Variants in PCDHGB3 observed in about 807,000 individuals in gnomAD.
The protein encoded by PCDHGB3 is protocadherin gamma subfamily B, 3, also known as protocadherin gamma-B3.
In PCDHGB3, 40 loss-of-function variants were observed where a neutral mutation model predicts 59.2. That is an observed-to-expected ratio of 0.68 (90% CI 0.52 to 0.88). The LOEUF is 0.88. PCDHGB3 is among the 40% of genes least tolerant of loss of function. The pLI, the probability that PCDHGB3 is intolerant of heterozygous loss-of-function variation, is 0.00. For synonymous variants in PCDHGB3, 581 were observed against 503.6 expected, an observed-to-expected ratio of 1.15 and a Z score of -2.06; for missense variants, 1,309 against 1,187.9, an observed-to-expected ratio of 1.10 and a Z score of -1.50.
chr5:141,474,687 A>G (rs369586568), intron 1 of PCDHGB3, among the ~76,000 whole-genome samples: 35 of 152,302 alleles, frequency 2.3e-4, no homozygotes, highest in African/African-American at 7.7e-4. Flanking sequence ...CTACCCCTTC[A>G]CTTATGTTCA....
intron 1 of PCDHGB3, among the ~76,000 whole-genome samples, chr5:141,479,909 A>G (rs2099509651): frequency 6.6e-6 from 1 of 152,160 alleles, no homozygotes; most frequent in South Asian, 2.1e-4. Context: ...AAACACTGTT[A>G]TTTTGTTACT....
Position 141,400,134 on chromosome 5 carries a change from G to A in PCDHGB3, c.2415+27325G>A, listed in dbSNP as rs373375631. The A allele has an allele frequency of 6.8e-6, 11 of 1,613,954 alleles. No homozygotes were observed. In the African/African-American group the frequency reaches 9.3e-5, roughly 14 times the overall value. Reference sequence around the variant, plus strand: ...CTGACAGCTTGCAGGAGGTGCTGCCGGATATCACTGACCGCCCTGTACCCT... The same window carrying A: ...CTGACAGCTTGCAGGAGGTGCTGCCAGATATCACTGACCGCCCTGTACCCT... On this transcript the variant is annotated intron_variant, in intron 1 of 3. Coordinates refer to ENST00000576222, the MANE Select transcript of PCDHGB3 (RefSeq NM_018924.5).
intron 1 of PCDHGB3, among the ~76,000 whole-genome samples, chr5:141,472,243 T>A (rs1276064128): frequency 6.6e-6 from 1 of 152,190 alleles, no homozygotes; most frequent in East Asian, 1.9e-4. Context: ...TCACTTTCTA[T>A]TTTAAAGTTA....
intron 1 of PCDHGB3, chr5:141,468,351 A>G (rs1030472813): frequency 6.7e-6 from 1 of 149,192 alleles, no homozygotes; most frequent in Non-Finnish European, 1.5e-5. Context: ...AAAAAAAAAG[A>G]AAGAAAAAAG....
chr5:141,442,321 C>G (rs1323525940), intron 1 of PCDHGB3: 1 of 152,360 alleles, frequency 6.6e-6, no homozygotes, highest in African/African-American at 2.4e-5. Context: ...ATGTCTATCC[C>G]GCGCTAAGCC....
At position 141,490,448 on chromosome 5, in the gene PCDHGB3, A is replaced by C. The variant is rs1309104827; in HGVS notation, c.2416-4359A>C. 1 of 1,614,206 alleles carries C rather than the reference A, an allele frequency of 6.2e-7. No homozygotes were observed. Among genetic ancestry groups the C allele is most frequent in the Admixed American group, 1.7e-5 (1 of 60,030 alleles). ...TTTCAGATTAAGCCTTCTGAGAACC[A>C]CTACTCGCTGCTAACCAGCCAGCCT... is the stretch of plus-strand genomic sequence containing the variant. On this transcript the variant is annotated intron_variant, in intron 1 of 3. Coordinates refer to ENST00000576222, the MANE Select transcript of PCDHGB3 (RefSeq NM_018924.5). This position sits in a 1 kb window ranked among gnomAD's most constrained non-coding sequence, Gnocchi z 5.4.
At chr5:141,422,806 C>T (rs868426196) in intron 1 of PCDHGB3, 2 of 1,614,208 alleles carry the variant, frequency 1.2e-6, no homozygotes, top group Non-Finnish European at 1.7e-6. Flanking sequence ...TGAGCAGTTT[C>T]GAGACTTAGA....
Position 141,393,140 on chromosome 5 carries a change from G to A in PCDHGB3, c.2415+20331G>A, listed in dbSNP as rs756948310. The A allele has an allele frequency of 1.9e-6, 3 of 1,613,260 alleles. No individual in the cohort carries two copies. In the South Asian group the frequency reaches 3.3e-5, roughly 18 times the overall value. ...GGTGTCTGATAAATATTAACACCCT[G>A]GTTGAGGATAAAGGAAAACTCTTTG... On this transcript the variant is annotated intron_variant, in intron 1 of 3. Coordinates refer to ENST00000576222, the MANE Select transcript of PCDHGB3 (RefSeq NM_018924.5).
rs532830928 is a variant in PCDHGB3 at position 141,473,487 on chromosome 5, A to G, written c.2416-21320A>G. Reference sequence around the variant, plus strand: ...TTGTGCCAAGTTCAATGGAAAAAATATAAGGTGTTCTGAGAGAGCATAACA... The same window carrying G: ...TTGTGCCAAGTTCAATGGAAAAAATGTAAGGTGTTCTGAGAGAGCATAACA... On this transcript the variant is annotated intron_variant, in intron 1 of 3. Coordinates refer to ENST00000576222, the MANE Select transcript of PCDHGB3 (RefSeq NM_018924.5). 2.0e-3 allele frequency among the ~76,000 whole-genome samples: 310 copies of G among 152,242 alleles called. 5 individuals carry two copies. The South Asian group carries it at 0.052, about 25-fold the overall frequency.
At chr5:141,415,749 T>TG in intron 1 of PCDHGB3, 2 of 1,214,000 alleles carry the variant, frequency 1.6e-6, no homozygotes, top group Non-Finnish European at 1.1e-6. Context: ...GGTTTTTTTT[T>TG]TTTTTTTTTT....
At position 141,385,291 on chromosome 5, in the gene PCDHGB3, C is replaced by T. The variant is rs375490912; in HGVS notation, c.2415+12482C>T. On this transcript the variant is annotated intron_variant, in intron 1 of 3. Coordinates refer to ENST00000576222, the MANE Select transcript of PCDHGB3 (RefSeq NM_018924.5). ...TTCTTTGCTAACATCCGTAGATTTT[C>T]AGGAATGTAAAGAAAACCTGCCAAG... 1.3e-5 allele frequency: 21 copies of T among 1,613,668 alleles called. No individual in the cohort carries two copies. In the African/African-American group the frequency reaches 2.7e-4, roughly 20 times the overall value.
intron 1 of PCDHGB3, chr5:141,400,274 G>C: frequency 6.2e-7 from 1 of 1,614,032 alleles, no homozygotes; most frequent in Non-Finnish European, 8.5e-7. Flanking sequence ...CGCTCCTCCA[G>C]CCCTGCCGCC....
At chr5:141,425,606 G>A (rs1419859039) in intron 1 of PCDHGB3, among the ~76,000 whole-genome samples, 1 of 152,156 alleles carries the variant, frequency 6.6e-6, no homozygotes, top group Non-Finnish European at 1.5e-5. Context: ...GCCCTATATA[G>A]CTTTCAGTGC....
At position 141,372,233 on chromosome 5, in the gene PCDHGB3, G is replaced by C; in HGVS notation, c.1839G>C (p.Glu613Asp). 1 of 1,613,368 alleles carries C rather than the reference G, an allele frequency of 6.2e-7. No individual in the cohort carries two copies. Among genetic ancestry groups the C allele is most frequent in the Non-Finnish European group, 8.5e-7 (1 of 1,179,836 alleles). ...CCTACCACATTGTGCAGGCCAGCGA[G>C]CCCGGGCTGTTCAGCCTGGGCCTGC... Reference protein sequence around the residue: ...WLSYHIVQASEPGLFSLGLRT... With the variant: ...WLSYHIVQASDPGLFSLGLRT... Residue 613 changes from glutamate (E) to aspartate (D), a missense_variant, in exon 1 of 4, where the codon GAG (glutamate) becomes GAC (aspartate). Glu to Asp is a conservative substitution (Grantham distance 45, BLOSUM62 2). Coordinates refer to ENST00000576222, the MANE Select transcript of PCDHGB3 (RefSeq NM_018924.5).
Position 141,489,338 on chromosome 5 carries a change from A to T in PCDHGB3, c.2416-5469A>T, listed in dbSNP as rs1303176012. 1 of 1,608,414 alleles carries T rather than the reference A, an allele frequency of 6.2e-7. No homozygotes were observed. Among genetic ancestry groups the T allele is most frequent in the South Asian group, 1.1e-5 (1 of 90,478 alleles). ...GGCTGGGTGTCTGGGCAGCTTCGTTACTCAGTGGTGGAGGAGTCTGAGCCG... is the reference window on the plus strand; with the variant it reads ...GGCTGGGTGTCTGGGCAGCTTCGTTTCTCAGTGGTGGAGGAGTCTGAGCCG... On this transcript the variant is annotated intron_variant, in intron 1 of 3. Coordinates refer to ENST00000576222, the MANE Select transcript of PCDHGB3 (RefSeq NM_018924.5). This position sits in a 1 kb window ranked among gnomAD's most constrained non-coding sequence, Gnocchi z 4.5.
Position 141,399,669 on chromosome 5 carries a change from C to T in PCDHGB3, c.2415+26860C>T, listed in dbSNP as rs2093861369. 1.9e-6 allele frequency: 3 copies of T among 1,613,524 alleles called. No individual in the cohort carries two copies. The African/African-American group carries it at 4.0e-5, about 22-fold the overall frequency. On this transcript the variant is annotated intron_variant, in intron 1 of 3. Coordinates refer to ENST00000576222, the MANE Select transcript of PCDHGB3 (RefSeq NM_018924.5). ...AAAGTGGGGTGGTGTTCGCGCAGCG[C>T]GCCTTTGACTACGAGCAGCTGCGCA...
rs751667760 is a variant in PCDHGB3 at position 141,371,432 on chromosome 5, G to A, written c.1038G>A (p.Glu346=). 3 of 1,614,002 alleles carry A rather than the reference G, an allele frequency of 1.9e-6. No individual in the cohort carries two copies. The highest frequency in any genetic ancestry group is 1.1e-5 in the South Asian group (1 of 91,090). ...DISDENDNAP[E]ITLASESQHI... ...CAGATGAAAATGACAATGCCCCGGAGATAACCCTGGCTTCTGAATCCCAAC... is the reference window on the plus strand; with the variant it reads ...CAGATGAAAATGACAATGCCCCGGAAATAACCCTGGCTTCTGAATCCCAAC... The change falls in exon 1 of 4, where the codon GAG becomes GAA. Residue 346 remains glutamate, a synonymous_variant. Coordinates refer to ENST00000576222, the MANE Select transcript of PCDHGB3 (RefSeq NM_018924.5).
chr5:141,393,535 T>G, intron 1 of PCDHGB3: 1 of 1,613,888 alleles, frequency 6.2e-7, no homozygotes, highest in Non-Finnish European at 8.5e-7. Context: ...AATGCCCCGG[T>G]TTTTCCTCAC....
chr5:141,444,043 T>C (rs542828018), intron 1 of PCDHGB3, among the ~76,000 whole-genome samples: 1 of 151,820 alleles, frequency 6.6e-6, no homozygotes, highest in African/African-American at 2.4e-5. Context: ...AATCAGATAA[T>C]TTGGCATCTT....
Sources: gnomAD v4.1 joint callset for allele counts (sites outside exome capture counted in the v4.1 genomes callset) on GRCh38, gnomAD v4.1.1 for gene constraint, Gnocchi (gnomAD v3.1) non-coding constraint, MANE v1.5 for transcripts, NCBI Gene and HGNC (gene_info 2026-07-23, HGNC 2026-07-21) for gene names.